Variants in IL16 observed in about 807,000 individuals in gnomAD.
IL16 encodes the protein pro-interleukin-16.
In IL16, 67 loss-of-function variants were observed where a neutral mutation model predicts 110.1. The observed-to-expected ratio is 0.61, with a 90% confidence interval of 0.50 to 0.75. IL16 has a LOEUF of 0.75. IL16 is among the 30% of genes least tolerant of loss of function. The pLI is 0.00. For missense variants in IL16, 1,545 were observed against 1,655.0 expected (o/e 0.93, Z 1.15); for synonymous variants, 689 against 662.9 (o/e 1.04, Z -0.61).
chr15:81,219,050 A>G (rs1220022160), intron 1 of IL16, among the ~76,000 whole-genome samples: 2 of 152,170 alleles, frequency 1.3e-5, no homozygotes, highest in Non-Finnish European at 2.9e-5. Context: ...AAAGGTGTTA[A>G]ATACTTTGCT....
chr15:81,288,730 C>T (rs1292172564), intron 10 of IL16, among the ~76,000 whole-genome samples: 1 of 152,032 alleles, frequency 6.6e-6, no homozygotes, highest in Non-Finnish European at 1.5e-5. Context: ...TTGTGTCTGC[C>T]TTATTTGACT....
chr15:81,214,028 T>G (rs993026827), intron 1 of IL16, among the ~76,000 whole-genome samples: 3 of 152,138 alleles, frequency 2.0e-5, no homozygotes, highest in African/African-American at 7.2e-5. Flanking sequence ...CATTTTGTTT[T>G]TTTTTTGTTT....
chr15:81,301,110 G>T (rs938879334), intron 14 of IL16, among the ~76,000 whole-genome samples: 2 of 152,120 alleles, frequency 1.3e-5, no homozygotes, highest in Admixed American at 1.3e-4. Context: ...GCTGGGGCTT[G>T]GTCTTCCCTC....
Position 81,299,974 on chromosome 15 carries a change from T to C in IL16, c.2648T>C (p.Phe883Ser). The C allele has an allele frequency of 3.1e-6, 5 of 1,606,334 alleles. No homozygotes were observed. Among genetic ancestry groups the C allele is most frequent in the Non-Finnish European group, 4.3e-6 (5 of 1,175,600 alleles). Reference sequence around the variant, plus strand: ...CTTGGGAAGCATGAGGAAGGACGGTTTTCTGGACTCTTGGGGCGAGGGGCT... The same window carrying C: ...CTTGGGAAGCATGAGGAAGGACGGTCTTCTGGACTCTTGGGGCGAGGGGCT... The part of the protein sequence containing the change: ...KPLGKHEEGR[F>S]SGLLGRGAAP... The change falls in exon 14 of 19, where the codon TTT (phenylalanine) becomes TCT (serine). Residue 883 changes from phenylalanine (F) to serine (S), a missense_variant. By Grantham distance (155) the Phe-to-Ser change is radical (BLOSUM62 -2). Coordinates refer to ENST00000683961, the MANE Select transcript of IL16 (RefSeq NM_172217.5).
At chr15:81,285,649 A>G in intron 9 of IL16, 49 bp from the exon 10 acceptor site, 1 of 1,606,044 alleles carries the variant, frequency 6.2e-7, no homozygotes, top group Non-Finnish European at 8.5e-7. Context: ...GACTGTTCAA[A>G]TGTCTCATTG....
intron 5 of IL16, among the ~76,000 whole-genome samples, chr15:81,272,013 C>T (rs564887979): frequency 1.3e-5 from 2 of 152,382 alleles, no homozygotes; most frequent in African/African-American, 4.8e-5. Flanking sequence ...AGGAGCCAAG[C>T]TACTGGCCAC....
At chr15:81,212,639 G>A (rs1261602316) in intron 1 of IL16, among the ~76,000 whole-genome samples, 1 of 151,658 alleles carries the variant, frequency 6.6e-6, no homozygotes, top group African/African-American at 2.4e-5. Context: ...ACCCAGCTAA[G>A]TTTTGTATTT....
rs1900897085 is a variant in IL16 at position 81,312,217 on chromosome 15, C to A, written c.*3419C>A. On this transcript the variant is annotated 3_prime_UTR_variant, in exon 19 of 19. Transcript: ENST00000683961. ...AGAAAGTTGCACGGCTGCTGAGGCC[C>A]CTTCTAGGTGGCAAGGCTGTGCTCC... 6.6e-6 allele frequency: 1 copy of A among 152,304 alleles called. No individual in the cohort carries two copies. Among genetic ancestry groups the A allele is most frequent in the Non-Finnish European group, 1.5e-5 (1 of 68,130 alleles). The allele number at this position is 152,304 out of a possible 1,614,324, so 9.4% of individuals were successfully genotyped here.
At chr15:81,264,074 C>T (rs999943534) in intron 3 of IL16, among the ~76,000 whole-genome samples, 1 of 152,188 alleles carries the variant, frequency 6.6e-6, no homozygotes, top group South Asian at 2.1e-4. Context: ...ATCTACCTTT[C>T]TATTAAACAC....
intron 2 of IL16, among the ~76,000 whole-genome samples, chr15:81,231,811 G>T (rs1006798883): frequency 6.6e-6 from 1 of 152,026 alleles, no homozygotes; most frequent in Non-Finnish European, 1.5e-5. Flanking sequence ...TTTCCTACGT[G>T]AATATCCAAT....
chr15:81,277,116 G>A (rs1240938097), intron 6 of IL16, among the ~76,000 whole-genome samples: 1 of 152,142 alleles, frequency 6.6e-6, no homozygotes, highest in Admixed American at 6.5e-5. Flanking sequence ...TCAATGGATG[G>A]CTTAAACAGA....
At chr15:81,258,581 G>T (rs1409281272) in intron 2 of IL16, among the ~76,000 whole-genome samples, 1 of 152,032 alleles carries the variant, frequency 6.6e-6, no homozygotes, top group Admixed American at 6.5e-5. Flanking sequence ...TGCATCTGTA[G>T]TACCAGCTAC....
chr15:81,221,073 TG>T (rs1284775757), intron 1 of IL16, among the ~76,000 whole-genome samples: 1 of 151,950 alleles, frequency 6.6e-6, no homozygotes, highest in Non-Finnish European at 1.5e-5. Flanking sequence ...CAAGATGTGA[TG>T]GGGAGACCCC....
intron 9 of IL16, among the ~76,000 whole-genome samples, chr15:81,283,873 C>T (rs1244646150): frequency 2.0e-5 from 3 of 151,982 alleles, no homozygotes; most frequent in African/African-American, 7.3e-5. Flanking sequence ...TGTGGTGGCA[C>T]CTTCCTGTAA....
chr15:81,267,491 C>CACAT (rs1555420235), intron 4 of IL16, among the ~76,000 whole-genome samples: 1 of 149,604 alleles, frequency 6.7e-6, no homozygotes, highest in Non-Finnish European at 1.5e-5. Flanking sequence ...CACACACACA[C>CACAT]ACACACACAC....
At chr15:81,293,473 C>T (rs1019128281) in intron 12 of IL16, among the ~76,000 whole-genome samples, 2 of 152,068 alleles carry the variant, frequency 1.3e-5, no homozygotes, top group African/African-American at 2.4e-5. Flanking sequence ...GAGGCTGAGC[C>T]GGGTGGATCA....
At position 81,197,070 on chromosome 15, in the gene IL16, A is replaced by C; in HGVS notation, c.-184A>C. ...GCTGTCCGGGAATAAGTGGTGCTGC[A>C]ATCCCTGCTGGGCAGATGGAGAGAG... On this transcript the variant is annotated 5_prime_UTR_variant, in exon 1 of 19. Transcript: ENST00000683961. 1 of 1,288,706 alleles carries C rather than the reference A, an allele frequency of 7.8e-7. No homozygotes were observed. Among genetic ancestry groups the C allele is most frequent in the African/African-American group, 1.5e-5 (1 of 65,940 alleles). 79.8% of individuals were successfully genotyped at this position (1,288,706 alleles called of 1,614,324 possible). A position where few individuals can be genotyped will look rare whatever the true frequency, so the allele number is the denominator to read the frequency against.
chr15:81,296,177 C>T (rs1353879321), intron 12 of IL16, among the ~76,000 whole-genome samples: 2 of 152,198 alleles, frequency 1.3e-5, no homozygotes, highest in African/African-American at 4.8e-5. Flanking sequence ...GCCTTCTCCA[C>T]CTCTGGGATG....
chr15:81,299,167 G>A, intron 13 of IL16: 4 of 749,296 alleles, frequency 5.3e-6, no homozygotes, highest in Non-Finnish European at 2.3e-6. Flanking sequence ...CTAGGATACT[G>A]TGAGATTAAC....
Sources: allele counts gnomAD v4.1 joint callset (sites outside exome capture counted in the v4.1 genomes callset), GRCh38; gene constraint gnomAD v4.1.1; transcripts MANE v1.5; gene names NCBI Gene and HGNC (gene_info 2026-07-23, HGNC 2026-07-21).